SHANK2: variants seen among roughly 807,000 people sequenced by gnomAD.
SHANK2 encodes SH3 and multiple ankyrin repeat domains 2, also known as SH3 and multiple ankyrin repeat domains protein 2.
SHANK2 carries 43 observed loss-of-function variants against 133.7 expected under a neutral mutation model. That is an observed-to-expected ratio of 0.32 (90% confidence interval 0.25 to 0.41). SHANK2 has a LOEUF of 0.41. Ranked by LOEUF, SHANK2 falls within the 10% of genes least tolerant of loss-of-function variation. The probability of loss-of-function intolerance (pLI) is 1.00; values close to 1 mark genes in which losing one functional copy is unlikely to be tolerated. For synonymous variants in SHANK2, 1,017 were observed against 952.8 expected, an observed-to-expected ratio of 1.07 and a Z score of -1.24; for missense variants, 1,994 against 2,235.8, an observed-to-expected ratio of 0.89 and a Z score of 2.18.
chr11:70,609,929 C>T (rs551600700), intron 17 of SHANK2, among the ~76,000 whole-genome samples: 66 of 108,712 alleles, frequency 6.1e-4, no homozygotes, highest in South Asian at 1.6e-3. Flanking sequence ...GCAAACATGA[C>T]GCCGAGTGAA....
At chr11:70,862,074 G>A (rs527961040) in intron 11 of SHANK2, among the ~76,000 whole-genome samples, 1 of 152,216 alleles carries the variant, frequency 6.6e-6, no homozygotes, top group South Asian at 2.1e-4. Context: ...AGCCCAACCT[G>A]GATGGACTCC....
At chr11:70,898,493 T>C (rs558516903) in intron 10 of SHANK2, among the ~76,000 whole-genome samples, 2 of 152,012 alleles carry the variant, frequency 1.3e-5, no homozygotes, top group African/African-American at 4.8e-5. Flanking sequence ...AGATATCAGA[T>C]GGAGATGAAG....
At chr11:70,716,894 A>AG (rs1945938071) in intron 14 of SHANK2, among the ~76,000 whole-genome samples, 1 of 93,930 alleles carries the variant, frequency 1.1e-5, no homozygotes, top group African/African-American at 5.0e-5. Flanking sequence ...CGGGTCCCGG[A>AG]GCCCCCCCCC....
At chr11:70,531,587 T>C (rs1191550223) in intron 17 of SHANK2, among the ~76,000 whole-genome samples, 2 of 152,234 alleles carry the variant, frequency 1.3e-5, no homozygotes, top group East Asian at 3.8e-4. Context: ...AGGACAAGTC[T>C]AGGGCTAAGG....
intron 10 of SHANK2, among the ~76,000 whole-genome samples, chr11:70,941,082 A>G (rs782424414): frequency 2.6e-5 from 4 of 152,178 alleles, no homozygotes; most frequent in Non-Finnish European, 4.4e-5. Flanking sequence ...ATAGTCCCCA[A>G]TTTCAATTCT....
intron 11 of SHANK2, among the ~76,000 whole-genome samples, chr11:70,856,981 G>T (rs1295960004): frequency 6.6e-6 from 1 of 152,208 alleles, no homozygotes; most frequent in Non-Finnish European, 1.5e-5. Flanking sequence ...GTCTGACAGG[G>T]TTGGTGATAC....
At chr11:70,723,701 T>C (rs1293007132) in intron 14 of SHANK2, among the ~76,000 whole-genome samples, 1 of 152,198 alleles carries the variant, frequency 6.6e-6, no homozygotes. Flanking sequence ...CCACACTGTT[T>C]AGACTTATGA....
intron 13 of SHANK2, among the ~76,000 whole-genome samples, chr11:70,802,000 C>T (rs994103826): frequency 1.9e-4 from 29 of 152,138 alleles, no homozygotes; most frequent in African/African-American, 6.8e-4. Context: ...ACTACGGAAG[C>T]ACAGAGGGGG....
At chr11:70,555,337 A>G (rs1554979258) in intron 17 of SHANK2, among the ~76,000 whole-genome samples, 1 of 152,258 alleles carries the variant, frequency 6.6e-6, no homozygotes, top group Non-Finnish European at 1.5e-5. Context: ...GCTAGAAACA[A>G]TTAAGCTTAG....
intron 17 of SHANK2, among the ~76,000 whole-genome samples, chr11:70,518,303 T>A (rs927578997): frequency 3.3e-5 from 5 of 152,214 alleles, no homozygotes; most frequent in African/African-American, 1.2e-4. Flanking sequence ...GGAGATTAGC[T>A]GCAGTTAGCT....
chr11:70,599,963 GAA>G (rs1443415415), intron 17 of SHANK2, among the ~76,000 whole-genome samples: 3 of 119,524 alleles, frequency 2.5e-5, no homozygotes, highest in Non-Finnish European at 3.6e-5. Flanking sequence ...AAGAAAGAAA[GAA>G]AGAAAGAAAA....
intron 7 of SHANK2, among the ~76,000 whole-genome samples, chr11:71,093,061 G>GGC (rs1375248780): frequency 7.2e-6 from 1 of 139,054 alleles, no homozygotes; most frequent in Non-Finnish European, 1.6e-5. Flanking sequence ...AGGGGGGGGG[G>GGC]GGCAGGTATA....
intron 8 of SHANK2, among the ~76,000 whole-genome samples, chr11:71,083,016 G>A (rs1951322781): frequency 1.4e-5 from 2 of 147,870 alleles, no homozygotes; most frequent in Admixed American, 1.4e-4. Flanking sequence ...CATAATCTTG[G>A]CTCACTGCAG....
intron 6 of SHANK2, among the ~76,000 whole-genome samples, chr11:71,109,552 G>T (rs1263400150): frequency 6.6e-6 from 1 of 152,202 alleles, no homozygotes; most frequent in Admixed American, 6.5e-5. Flanking sequence ...ATGCCCATCT[G>T]CTGGGCTGCC....
intron 17 of SHANK2, among the ~76,000 whole-genome samples, chr11:70,600,558 G>A (rs2060481239): frequency 6.6e-6 from 1 of 152,120 alleles, no homozygotes; most frequent in African/African-American, 2.4e-5. Context: ...TGGGGGTGAA[G>A]GGGAGAAATA....
chr11:70,651,134 C>T (rs749120241), intron 17 of SHANK2, among the ~76,000 whole-genome samples: 16 of 152,184 alleles, frequency 1.1e-4, no homozygotes, highest in Non-Finnish European at 2.2e-4. Flanking sequence ...CCCTTGACCG[C>T]GGCTCCTCTC....
intron 10 of SHANK2, chr11:70,908,018 T>A (rs781883274): frequency 2.4e-6 from 1 of 417,040 alleles, no homozygotes; most frequent in South Asian, 1.7e-5. Flanking sequence ...GGAGAATCGC[T>A]TGAACCCGGG....
At chr11:70,702,137 C>T (rs782348228) in intron 14 of SHANK2, among the ~76,000 whole-genome samples, 3 of 151,016 alleles carry the variant, frequency 2.0e-5, no homozygotes, top group Non-Finnish European at 4.4e-5. Flanking sequence ...ACATCATCAC[C>T]ACCATCTTCT....
intron 14 of SHANK2, among the ~76,000 whole-genome samples, chr11:70,704,226 C>T (rs1181478241): frequency 2.6e-5 from 4 of 152,240 alleles, no homozygotes; most frequent in Non-Finnish European, 5.9e-5. Context: ...TGGCTTCTCA[C>T]TTGTACAAAC....
Sources: gnomAD v4.1 joint callset for allele counts (sites outside exome capture counted in the v4.1 genomes callset) on GRCh38, gnomAD v4.1.1 for gene constraint, MANE v1.5 for transcripts, NCBI Gene and HGNC (gene_info 2026-07-23, HGNC 2026-07-21) for gene names.